The following NRXN1 variants were observed in gnomAD, a reference collection of about 807,000 sequenced individuals.
NRXN1 encodes neurexin-1.
NRXN1 carries 39 observed loss-of-function variants against 150.9 expected under a neutral mutation model. The ratio of observed to expected loss-of-function variants is 0.26; its 90% CI spans 0.20 to 0.34. The LOEUF is 0.34. Ranked by LOEUF, NRXN1 falls within the 10% of genes least tolerant of loss-of-function variation. The pLI is 1.00. For missense variants in NRXN1, 1,815 were observed against 1,949.9 expected (o/e 0.93, Z 1.30); for synonymous variants, 924 against 757.0 (o/e 1.22, Z -3.62).
chr2:50,563,579 T>C (rs1017973204), intron 8 of NRXN1, among the ~76,000 whole-genome samples: 1 of 152,182 alleles, frequency 6.6e-6, no homozygotes, highest in African/African-American at 2.4e-5. Context: ...GACTCCACTT[T>C]AATGGTGGCT....
intron 12 of NRXN1, among the ~76,000 whole-genome samples, chr2:50,527,887 T>C (rs1558884470): frequency 6.6e-6 from 1 of 152,280 alleles, no homozygotes; most frequent in Non-Finnish European, 1.5e-5. Flanking sequence ...CTTAATGTGA[T>C]CAGCAAAACC....
intron 17 of NRXN1, among the ~76,000 whole-genome samples, chr2:50,359,348 C>A (rs151213725): frequency 6.6e-6 from 1 of 151,496 alleles, no homozygotes; most frequent in East Asian, 2.0e-4. Flanking sequence ...TGCAAGGAAG[C>A]TAAGAACCTT....
At chr2:50,514,233 A>G (rs1387902552) in intron 12 of NRXN1, among the ~76,000 whole-genome samples, 1 of 152,214 alleles carries the variant, frequency 6.6e-6, no homozygotes, top group Non-Finnish European at 1.5e-5. Context: ...TAAAAATACT[A>G]GAATCACCTT....
At chr2:50,913,654 C>T (rs1331505490) in intron 5 of NRXN1, among the ~76,000 whole-genome samples, 2 of 151,678 alleles carry the variant, frequency 1.3e-5, no homozygotes, top group Non-Finnish European at 2.9e-5. Flanking sequence ...AATATCCCTG[C>T]ATTTTACCTG....
intron 17 of NRXN1, among the ~76,000 whole-genome samples, chr2:50,261,962 C>T (rs2068333682): frequency 6.6e-6 from 1 of 151,630 alleles, no homozygotes; most frequent in South Asian, 2.1e-4. Context: ...GGAGTTTTTC[C>T]AGGTAATTTA....
chr2:50,227,728 A>T (rs1369655840), intron 18 of NRXN1, among the ~76,000 whole-genome samples: 2 of 152,044 alleles, frequency 1.3e-5, no homozygotes, highest in Non-Finnish European at 2.9e-5. Context: ...AGGCTATTGC[A>T]ACAGTTCAAG....
intron 2 of NRXN1, among the ~76,000 whole-genome samples, chr2:50,994,262 T>A (rs1042762000): frequency 3.3e-5 from 5 of 151,614 alleles, no homozygotes; most frequent in South Asian, 2.1e-4. Context: ...ACACACACAC[T>A]CTCTCTCTCT....
chr2:50,562,310 C>T (rs1283465917), intron 8 of NRXN1, among the ~76,000 whole-genome samples: 2 of 145,118 alleles, frequency 1.4e-5, no homozygotes, highest in African/African-American at 5.3e-5. Context: ...ATAGATTAGA[C>T]AAATATATGA....
chr2:50,681,012 G>A (rs1017986720), intron 5 of NRXN1, among the ~76,000 whole-genome samples: 7 of 152,096 alleles, frequency 4.6e-5, no homozygotes, highest in Non-Finnish European at 7.4e-5. Flanking sequence ...CACATAAAGT[G>A]AATCAAAATA....
chr2:50,023,001 C>G (rs551962258), intron 21 of NRXN1: 1 of 152,156 alleles, frequency 6.6e-6, no homozygotes, highest in Non-Finnish European at 1.5e-5. Context: ...CATTCTGTCA[C>G]CTGCCAAGGG....
chr2:50,019,947 CAAAAAAA>C (rs1161865745), intron 21 of NRXN1, among the ~76,000 whole-genome samples: 16 of 43,364 alleles, frequency 3.7e-4, no homozygotes, highest in African/African-American at 9.6e-4. Flanking sequence ...GACTCCGTCT[CAAAAAAA>C]AAAAAAAAAA....
chr2:50,243,402 T>A, intron 17 of NRXN1, among the ~76,000 whole-genome samples: 1 of 151,878 alleles, frequency 6.6e-6, no homozygotes, highest in Admixed American at 6.6e-5. Flanking sequence ...GCTAAAGCAT[T>A]TTTTAATTAT....
At chr2:50,073,347 G>A (rs10469914) in intron 19 of NRXN1, among the ~76,000 whole-genome samples, 2,471 of 152,208 alleles carry the variant, frequency 0.016, 71 homozygotes, top group African/African-American at 0.054. Context: ...ACACATAGCC[G>A]GTCTTAAATA....
At chr2:50,933,171 A>G (rs896583162) in intron 2 of NRXN1, among the ~76,000 whole-genome samples, 1 of 152,152 alleles carries the variant, frequency 6.6e-6, no homozygotes, top group African/African-American at 2.4e-5. Flanking sequence ...AGAAAGAATT[A>G]TTCCATAAAT....
chr2:50,064,136 A>T (rs767261406), intron 19 of NRXN1, among the ~76,000 whole-genome samples: 2 of 152,058 alleles, frequency 1.3e-5, no homozygotes, highest in Non-Finnish European at 2.9e-5. Context: ...TCCACTAATT[A>T]CATATGTGTG....
chr2:50,772,145 T>G (rs1047010422), intron 5 of NRXN1, among the ~76,000 whole-genome samples: 4 of 151,696 alleles, frequency 2.6e-5, no homozygotes, highest in African/African-American at 9.7e-5. Flanking sequence ...AAACAATCAA[T>G]CAGAACTCTA....
chr2:50,860,256 CAG>C (rs1485570344), intron 5 of NRXN1, among the ~76,000 whole-genome samples: 1 of 147,172 alleles, frequency 6.8e-6, no homozygotes, highest in Non-Finnish European at 1.5e-5. Flanking sequence ...ATAACAACAT[CAG>C]AAAAAAAAAA....
chr2:50,900,699 A>G (rs988102204), intron 5 of NRXN1, among the ~76,000 whole-genome samples: 1 of 152,172 alleles, frequency 6.6e-6, no homozygotes, highest in African/African-American at 2.4e-5. Context: ...TATGACAGGT[A>G]ATAAGGGAAC....
rs1208594855 is a variant in NRXN1, at chr2:50,447,737, T to TTTTATATATATATATATATATATATATA, written c.3364+17704_3364+17705insTATATATATATATATATATATATATAAA. On this transcript the variant is annotated intron_variant, in intron 17 of 22. Coordinates refer to ENST00000401669, the MANE Select transcript of NRXN1 (RefSeq NM_001330078.2). Reference sequence around the variant, plus strand: ...AAATCACATAGTAAGCAGGGGAACGTTATATATATATATATATATATATAT... The same window carrying TTTTATATATATATATATATATATATATA: ...AAATCACATAGTAAGCAGGGGAACGTTTTATATATATATATATATATATATATATATATATATATATATATATATATAT... Among the ~76,000 whole-genome samples, 50 of 37,914 alleles carry TTTTATATATATATATATATATATATATA rather than the reference T, an allele frequency of 1.3e-3. 17 individuals are homozygous for TTTTATATATATATATATATATATATATA. The highest frequency in any genetic ancestry group is 6.2e-3 in the East Asian group (3 of 484). 24.9% of individuals were successfully genotyped at this position (37,914 alleles called of 152,430 possible).
Sources: gnomAD v4.1 joint callset for allele counts (sites outside exome capture counted in the v4.1 genomes callset) on GRCh38, gnomAD v4.1.1 for gene constraint, MANE v1.5 for transcripts, NCBI Gene and HGNC (gene_info 2026-07-23, HGNC 2026-07-21) for gene names.